Variants in CDH13 observed in about 807,000 individuals in gnomAD.
CDH13 encodes cadherin-13.
In CDH13, 24 loss-of-function variants were observed where a neutral mutation model predicts 63.8. That is an observed-to-expected ratio of 0.38 (90% CI 0.27 to 0.53). The LOEUF (loss-of-function observed/expected upper bound fraction) is 0.53. Among genes scored for constraint, CDH13 ranks in the 20% least tolerant of loss-of-function variants. CDH13 has a pLI of 0.85. For missense variants in CDH13, 1,049 were observed against 903.1 expected, an observed-to-expected ratio of 1.16 and a Z score of -2.07; for synonymous variants, 503 against 355.3, an observed-to-expected ratio of 1.42 and a Z score of -4.67.
intron 2 of CDH13, among the ~76,000 whole-genome samples, chr16:82,872,192 C>T (rs2040365042): frequency 1.3e-5 from 2 of 152,194 alleles, no homozygotes; most frequent in Admixed American, 1.3e-4. Context: ...TTTTAGAACC[C>T]AGCATACACA....
chr16:83,036,563 A>C (rs1276589275), intron 3 of CDH13, among the ~76,000 whole-genome samples: 1 of 152,158 alleles, frequency 6.6e-6, no homozygotes, highest in African/African-American at 2.4e-5. Flanking sequence ...CAAGGCCTGC[A>C]ACCCAGAATG....
At chr16:83,610,684 A>G (rs1040006321) in intron 8 of CDH13, among the ~76,000 whole-genome samples, 1 of 152,188 alleles carries the variant, frequency 6.6e-6, no homozygotes, top group African/African-American at 2.4e-5. Flanking sequence ...TTACCATGCA[A>G]ATATATTTCA....
intron 8 of CDH13, among the ~76,000 whole-genome samples, chr16:83,611,086 A>G (rs1598367005): frequency 6.6e-6 from 1 of 151,854 alleles, no homozygotes; most frequent in Admixed American, 6.6e-5. Flanking sequence ...GGCTGTTGGG[A>G]TTCTACTTTT....
chr16:83,508,360 G>A (rs564683390), intron 7 of CDH13: 2 of 154,562 alleles, frequency 1.3e-5, no homozygotes, highest in Non-Finnish European at 2.9e-5. Context: ...CTTCTGTAGT[G>A]TAGTCCGTGC....
At chr16:83,393,673 T>C (rs1158899092) in intron 6 of CDH13, among the ~76,000 whole-genome samples, 2 of 152,182 alleles carry the variant, frequency 1.3e-5, no homozygotes, top group East Asian at 3.9e-4. Flanking sequence ...AGTTGAATCA[T>C]TCATTCATTG....
At chr16:82,737,540 C>G (rs78428040) in intron 1 of CDH13, among the ~76,000 whole-genome samples, 1 of 152,180 alleles carries the variant, frequency 6.6e-6, no homozygotes, top group Non-Finnish European at 1.5e-5. Context: ...TCAACCACTG[C>G]CCCAACGGTC....
chr16:82,849,215 AG>A (rs2039384702), intron 1 of CDH13, among the ~76,000 whole-genome samples: 1 of 152,316 alleles, frequency 6.6e-6, no homozygotes, highest in African/African-American at 2.4e-5. Flanking sequence ...TAAAAGTGTC[AG>A]GTGAAAGCCA....
intron 6 of CDH13, among the ~76,000 whole-genome samples, chr16:83,421,649 C>T (rs979747796): frequency 6.6e-6 from 1 of 151,042 alleles, no homozygotes; most frequent in African/African-American, 2.5e-5. Context: ...TTTAATTATT[C>T]AGGACCAGAT....
chr16:82,841,890 T>C (rs1304057325), intron 1 of CDH13, among the ~76,000 whole-genome samples: 1 of 151,924 alleles, frequency 6.6e-6, no homozygotes, highest in African/African-American at 2.4e-5. Context: ...TTCAGTGATT[T>C]CACATTAGTA....
At chr16:82,682,373 C>T (rs1019681216) in intron 1 of CDH13, among the ~76,000 whole-genome samples, 1 of 152,172 alleles carries the variant, frequency 6.6e-6, no homozygotes, top group African/African-American at 2.4e-5. Flanking sequence ...CATTGAAAAA[C>T]ACTGGACACT....
chr16:83,078,772 T>TTTTG (rs914863554), intron 3 of CDH13, among the ~76,000 whole-genome samples: 12 of 152,138 alleles, frequency 7.9e-5, no homozygotes, highest in African/African-American at 1.9e-4. Context: ...GCCTCCAGTT[T>TTTTG]TTTGTTTGTT....
At chr16:83,403,223 T>G (rs1446917785) in intron 6 of CDH13, among the ~76,000 whole-genome samples, 1 of 151,922 alleles carries the variant, frequency 6.6e-6, no homozygotes, top group African/African-American at 2.4e-5. Flanking sequence ...TTAGGACAGA[T>G]TAGCAAAGCA....
chr16:83,025,635 T>C (rs573293332), intron 2 of CDH13, among the ~76,000 whole-genome samples: 11 of 152,192 alleles, frequency 7.2e-5, no homozygotes, highest in African/African-American at 2.6e-4. Context: ...AGCCAAACCA[T>C]ATCAGGTGGT....
intron 8 of CDH13, among the ~76,000 whole-genome samples, chr16:83,653,186 G>T (rs964973943): frequency 1.3e-5 from 2 of 152,140 alleles, no homozygotes; most frequent in African/African-American, 4.8e-5. Context: ...TGGGGGTGGG[G>T]CTTCTGTTCG....
At chr16:82,926,686 G>T (rs1203594124) in intron 2 of CDH13, among the ~76,000 whole-genome samples, 1 of 152,072 alleles carries the variant, frequency 6.6e-6, no homozygotes, top group Admixed American at 6.6e-5. Flanking sequence ...AGTGATTCTA[G>T]CTCTGCTGTA....
chr16:83,489,647 T>A (rs1341838162), intron 7 of CDH13, among the ~76,000 whole-genome samples: 2 of 152,176 alleles, frequency 1.3e-5, no homozygotes, highest in Non-Finnish European at 2.9e-5. Flanking sequence ...TTCCTCCCAT[T>A]GAGACTTGGC....
chr16:83,501,663 A>AG (rs781332750), intron 7 of CDH13, among the ~76,000 whole-genome samples: 2 of 152,180 alleles, frequency 1.3e-5, no homozygotes, highest in Non-Finnish European at 2.9e-5. Flanking sequence ...GGAGTTCCCA[A>AG]GGGCTGACCT....
intron 5 of CDH13, among the ~76,000 whole-genome samples, chr16:83,332,586 G>A (rs1158477576): frequency 6.6e-6 from 1 of 152,114 alleles, no homozygotes; most frequent in Non-Finnish European, 1.5e-5. Context: ...GTTTTCTAAA[G>A]TATTATATTT....
chr16:83,244,094 G>A (rs1567534135), intron 5 of CDH13, among the ~76,000 whole-genome samples: 1 of 151,816 alleles, frequency 6.6e-6, no homozygotes, highest in Non-Finnish European at 1.5e-5. Flanking sequence ...TTTCTGCTTG[G>A]TGAAGGTGCA....
Sources: allele counts gnomAD v4.1 joint callset (sites outside exome capture counted in the v4.1 genomes callset), GRCh38; gene constraint gnomAD v4.1.1; transcripts MANE v1.5; gene names NCBI Gene and HGNC (gene_info 2026-07-23, HGNC 2026-07-21).